The following RNF212B variants were observed in gnomAD, a reference collection of about 807,000 sequenced individuals.
RNF212B encodes E3 ubiquitin-protein ligase RNF212B.
In RNF212B, 52 loss-of-function variants were observed where a neutral mutation model predicts 55.5. The ratio of observed to expected loss-of-function variants is 0.94; its 90% CI spans 0.75 to 1.18. The LOEUF (loss-of-function observed/expected upper bound fraction) is 1.18, where lower values mean the gene tolerates loss of function less well. Among genes scored for constraint, RNF212B ranks in the 50% most tolerant of loss-of-function variants. The pLI, the probability that RNF212B is intolerant of heterozygous loss-of-function variation, is 0.00. For missense variants in RNF212B, 289 were observed against 350.4 expected, an observed-to-expected ratio of 0.82 and a Z score of 1.40; for synonymous variants, 99 against 121.4, an observed-to-expected ratio of 0.82 and a Z score of 1.21.
chr14:23,240,187 A>G (rs1166529711), intron 1 of RNF212B, among the ~76,000 whole-genome samples, 158 bp from the exon 2 acceptor site: 2 of 152,142 alleles, frequency 1.3e-5, no homozygotes, highest in East Asian at 3.8e-4. Context: ...CTGTATATGT[A>G]CATATACTTC....
chr14:23,272,479 A>G, intron 14 of RNF212B: 1 of 271,142 alleles, frequency 3.7e-6, no homozygotes, highest in Non-Finnish European at 7.1e-6. Flanking sequence ...TTTTAAAGTT[A>G]TTGAAGGAAA....
intron 1 of RNF212B, among the ~76,000 whole-genome samples, chr14:23,192,503 A>G (rs1463033073): frequency 4.4e-5 from 6 of 135,756 alleles, no homozygotes; most frequent in Non-Finnish European, 9.3e-5. Flanking sequence ...ACTTGGACAC[A>G]GGAAGGGGAA....
At chr14:23,258,518 A>T in intron 4 of RNF212B, 31 bp from the exon 5 acceptor site, 1 of 1,044,876 alleles carries the variant, frequency 9.6e-7, no homozygotes, top group Non-Finnish European at 1.4e-6. Context: ...GTTATGGGAG[A>T]GTATGTCAAA....
At position 23,268,955 on chromosome 14, in the gene RNF212B, A is replaced by G. The variant is rs1885882665; in HGVS notation, c.666A>G (p.Leu222=). Residue 222 remains leucine, a synonymous_variant, in exon 12 of 15, where the codon CTA becomes CTG. Coordinates refer to ENST00000430154, the MANE Select transcript of RNF212B (RefSeq NM_001282322.3). The part of the protein sequence containing the change: ...ETPSPASTHS[L]SYRTSSASSG... The stretch of plus-strand genomic sequence containing the variant: ...CTTCACCGGCTTCAACTCATAGCCT[A>G]TCTTATAGGTCAGTAACACTATGCT... The G allele has an allele frequency of 6.5e-7, 1 of 1,550,068 alleles. No individual in the cohort carries two copies. Among genetic ancestry groups the G allele is most frequent in the Non-Finnish European group, 8.7e-7 (1 of 1,146,268 alleles).
upstream of RNF212B, among the ~76,000 whole-genome samples, chr14:23,236,533 CAACA>C (rs1883111216): frequency 6.6e-6 from 1 of 151,646 alleles, no homozygotes. Context: ...ACAACAACAA[CAACA>C]AAAAGCAAAA....
chr14:23,186,619 A>C (rs1014452922), intron 1 of RNF212B, among the ~76,000 whole-genome samples: 1 of 152,164 alleles, frequency 6.6e-6, no homozygotes, highest in Non-Finnish European at 1.5e-5. Context: ...AAGTGCTGGG[A>C]TTACTCTATT....
chr14:23,272,697 A>G, intron 14 of RNF212B, 126 bp from the exon 15 acceptor site: 1 of 692,076 alleles, frequency 1.4e-6, no homozygotes, highest in Middle Eastern at 3.7e-4. Context: ...TGCAATGAAG[A>G]AAACTATGGG....
chr14:23,250,482 C>CAA (rs34825470), intron 4 of RNF212B, among the ~76,000 whole-genome samples: 21,252 of 116,270 alleles, frequency 0.18, 1,971 homozygotes, highest in South Asian at 0.28. Flanking sequence ...GACTCTGTCT[C>CAA]AAAAAAAAAA....
At chr14:23,225,117 C>T (rs139124308) in intron 2 of RNF212B, among the ~76,000 whole-genome samples, 130 of 152,146 alleles carry the variant, frequency 8.5e-4, no homozygotes, top group African/African-American at 3.1e-3. Flanking sequence ...ATCATCTTAC[C>T]CCAGTTAAAA....
intron 11 of RNF212B, 65 bp downstream of exon 11, chr14:23,264,736 G>A: frequency 1.0e-6 from 1 of 1,003,266 alleles, no homozygotes; most frequent in East Asian, 3.3e-5. Context: ...CGGATTTCTG[G>A]TTTTCTATGC....
chr14:23,217,038 CAAGA>C (rs1400280515), intron 2 of RNF212B, among the ~76,000 whole-genome samples: 1 of 151,996 alleles, frequency 6.6e-6, no homozygotes, highest in East Asian at 1.9e-4. Flanking sequence ...GGTAAAGCAA[CAAGA>C]AGGTTCCCGG....
intron 2 of RNF212B, among the ~76,000 whole-genome samples, chr14:23,220,442 G>A (rs904554753): frequency 6.6e-6 from 1 of 151,980 alleles, no homozygotes; most frequent in Non-Finnish European, 1.5e-5. Context: ...TGAGACACAA[G>A]AATTATTGGA....
intron 2 of RNF212B, among the ~76,000 whole-genome samples, chr14:23,202,496 C>T (rs1004666738): frequency 6.6e-6 from 1 of 152,162 alleles, no homozygotes; most frequent in Non-Finnish European, 1.5e-5. Flanking sequence ...CCCTGTGTCT[C>T]AGGAATGCAT....
intron 2 of RNF212B, among the ~76,000 whole-genome samples, chr14:23,220,621 C>T (rs749399314): frequency 9.9e-5 from 15 of 151,862 alleles, no homozygotes; most frequent in African/African-American, 1.4e-4. Context: ...GTCAGGAGAT[C>T]GAGATCACCC....
In RNF212B at chr14:23,237,980, A is replaced by G. The variant is rs1425929677; in HGVS notation, c.-77A>G. Among the ~76,000 whole-genome samples, 1 of 152,152 alleles carries G rather than the reference A, an allele frequency of 6.6e-6. No homozygotes were observed. The highest frequency in any genetic ancestry group is 2.1e-4 in the South Asian group (1 of 4,836). ...CAAGCCAGCTGTTTACTTTCCCGCC[A>G]TGTCCAGCTCTTCGTGAGGAGAACT... On this transcript the variant is annotated 5_prime_UTR_variant, in exon 1 of 15. An upstream start codon of the reference 5' UTR is lost. Transcript: ENST00000430154.
rs1594922655 is a variant in RNF212B at position 23,242,083 on chromosome 14, A to G, written c.101-1173A>G. Among the ~76,000 whole-genome samples, 5 of 99,698 alleles carry G rather than the reference A, an allele frequency of 5.0e-5. No individual in the cohort carries two copies. The South Asian group carries it at 1.7e-3, about 33-fold the overall frequency. 65.4% of individuals were successfully genotyped at this position (99,698 alleles called of 152,430 possible). On this transcript the variant is annotated intron_variant, in intron 2 of 14. Coordinates refer to ENST00000430154, the MANE Select transcript of RNF212B (RefSeq NM_001282322.3). ...GGCGACAGAGCAAGACTCCGTCTCA[A>G]AAAAAAAAAAAAAAAAAAAAAAAAG...
chr14:23,264,278 G>T, intron 10 of RNF212B, 44 bp downstream of exon 10: 1 of 1,430,206 alleles, frequency 7.0e-7, no homozygotes, highest in Non-Finnish European at 9.6e-7. Context: ...AGTTTCTAAT[G>T]CTAAATGAAA....
chr14:23,250,512 T>C, intron 4 of RNF212B, among the ~76,000 whole-genome samples: 1 of 151,294 alleles, frequency 6.6e-6, no homozygotes, highest in East Asian at 1.9e-4. Context: ...GAATTAATAA[T>C]TACCTCTTAA....
At chr14:23,252,095 G>GT (rs1434724220) in intron 4 of RNF212B, among the ~76,000 whole-genome samples, 1 of 152,046 alleles carries the variant, frequency 6.6e-6, no homozygotes, top group African/African-American at 2.4e-5. Context: ...AGGGGTTGGG[G>GT]GGCGTGGGAA....
Sources: gnomAD v4.1 joint callset for allele counts (sites outside exome capture counted in the v4.1 genomes callset) on GRCh38, gnomAD v4.1.1 for gene constraint, MANE v1.5 for transcripts, NCBI Gene and HGNC (gene_info 2026-07-23, HGNC 2026-07-21) for gene names.